Variants in SIPA1L3 observed in about 807,000 individuals in gnomAD.
SIPA1L3 encodes signal induced proliferation associated 1 like 3.
A neutral mutation model predicts 150.1 loss-of-function variants in SIPA1L3; 59 were observed. The ratio of observed to expected loss-of-function variants is 0.39; its 90% CI spans 0.32 to 0.49. The LOEUF (loss-of-function observed/expected upper bound fraction) is 0.49. Among genes scored for constraint, SIPA1L3 ranks in the 20% least tolerant of loss-of-function variants. The pLI, the probability that SIPA1L3 is intolerant of heterozygous loss-of-function variation, is 0.86. For synonymous variants in SIPA1L3, 1,070 were observed against 1,077.6 expected (o/e 0.99, Z 0.14); for missense variants, 2,211 against 2,489.5 (o/e 0.89, Z 2.38).
At chr19:38,173,030 A>G (rs1276132387) in intron 15 of SIPA1L3, among the ~76,000 whole-genome samples, 1 of 152,044 alleles carries the variant, frequency 6.6e-6, no homozygotes, top group Non-Finnish European at 1.5e-5. Context: ...TGACCCCGGG[A>G]AGTGGAGGCT....
At chr19:38,105,435 A>C (rs1970600869) in intron 6 of SIPA1L3, among the ~76,000 whole-genome samples, 1 of 151,740 alleles carries the variant, frequency 6.6e-6, no homozygotes, top group Non-Finnish European at 1.5e-5. Flanking sequence ...CACTCAGTAC[A>C]GTGTGACCTT....
At chr19:38,106,834 C>A (rs975429257) in intron 7 of SIPA1L3, among the ~76,000 whole-genome samples, 194 bp downstream of exon 7, 5 of 152,240 alleles carry the variant, frequency 3.3e-5, no homozygotes, top group African/African-American at 1.2e-4. Flanking sequence ...CCCAGTCTTT[C>A]CTGCTGCTTC....
intron 1 of SIPA1L3, among the ~76,000 whole-genome samples, chr19:38,027,158 G>T (rs1968532643): frequency 6.6e-6 from 1 of 152,130 alleles, no homozygotes; most frequent in Non-Finnish European, 1.5e-5. Context: ...TGGGGTGGTG[G>T]TGTGTACCTG....
At position 38,046,374 on chromosome 19, in the gene SIPA1L3, C is replaced by T. The variant is rs2145750662; in HGVS notation, c.-311+17218C>T. On this transcript the variant is annotated intron_variant, in intron 2 of 21. Transcript: ENST00000222345. The surrounding 1 kb of genome is among the most constrained non-coding windows in gnomAD (Gnocchi z 5.6). ...GCAGCCTGTCCCCCCTCCTCATTTC[C>T]CTATTTCTTTTGAGTGGCCAGATGA... Among the ~76,000 whole-genome samples the T allele has an allele frequency of 6.6e-6, 1 of 152,236 alleles. No individual in the cohort carries two copies. Among genetic ancestry groups the T allele is most frequent in the East Asian group, 1.9e-4 (1 of 5,172 alleles).
intron 1 of SIPA1L3, among the ~76,000 whole-genome samples, chr19:37,955,195 C>T (rs1010517595): frequency 2.3e-4 from 35 of 151,580 alleles, no homozygotes; most frequent in African/African-American, 8.5e-4. Flanking sequence ...AGTTTGAGAC[C>T]AGCCTGACCA....
rs781495102 is a variant in SIPA1L3, at chr19:38,082,379, C to T, written c.814C>T (p.Leu272=). The T allele has an allele frequency of 1.9e-6, 3 of 1,598,900 alleles. No individual in the cohort carries two copies. Among genetic ancestry groups the T allele is most frequent in the Admixed American group, 1.7e-5 (1 of 59,390 alleles). The change falls in exon 3 of 22, where the codon CTG becomes TTG. Residue 272 remains leucine, a synonymous_variant. Transcript: ENST00000222345. ...HNGQPAKDSL[L]PLQPTKEKEK... ...CGGGCAGCCCGCCAAGGACAGCCTC[C>T]TGCCACTGCAGCCCACGAAGGAGAA...
intron 1 of SIPA1L3, among the ~76,000 whole-genome samples, chr19:38,006,783 G>A (rs1010382644): frequency 5.3e-5 from 8 of 152,086 alleles, no homozygotes; most frequent in South Asian, 2.1e-4. Flanking sequence ...CTTTCACCCC[G>A]GCAGCTCCAC....
chr19:38,012,357 A>G (rs905995567), intron 1 of SIPA1L3, among the ~76,000 whole-genome samples: 1 of 151,962 alleles, frequency 6.6e-6, no homozygotes, highest in Admixed American at 6.6e-5. Context: ...AAGCCCTGGG[A>G]TTACAGGTGT....
At chr19:37,942,055 A>C (rs1340073073) in intron 1 of SIPA1L3, among the ~76,000 whole-genome samples, 1 of 152,190 alleles carries the variant, frequency 6.6e-6, no homozygotes, top group Non-Finnish European at 1.5e-5. Context: ...TCCTGGGGGC[A>C]GAAGATTTAT....
chr19:37,945,315 A>C (rs1027363816), intron 1 of SIPA1L3, among the ~76,000 whole-genome samples: 2 of 151,558 alleles, frequency 1.3e-5, no homozygotes, highest in African/African-American at 4.9e-5. Flanking sequence ...GCTCACTGCA[A>C]CCTCCACCTC....
intron 13 of SIPA1L3, among the ~76,000 whole-genome samples, chr19:38,154,697 C>A (rs1275210763): frequency 1.3e-5 from 2 of 151,952 alleles, no homozygotes; most frequent in Non-Finnish European, 2.9e-5. Context: ...CCACCCGCCT[C>A]AGCCTCCCAA....
chr19:37,921,541 C>T (rs1365752701), intron 1 of SIPA1L3, among the ~76,000 whole-genome samples: 1 of 152,078 alleles, frequency 6.6e-6, no homozygotes, highest in Non-Finnish European at 1.5e-5. Context: ...CCTGCACCCC[C>T]TCAAGCTTCC....
At chr19:38,113,248 G>A (rs1280882565) in intron 8 of SIPA1L3, among the ~76,000 whole-genome samples, 2 of 151,154 alleles carry the variant, frequency 1.3e-5, no homozygotes, top group African/African-American at 4.9e-5. Flanking sequence ...ACTCAGATGA[G>A]CCTCTGACAC....
At chr19:37,950,547 A>C (rs1048379651) in intron 1 of SIPA1L3, among the ~76,000 whole-genome samples, 1 of 152,206 alleles carries the variant, frequency 6.6e-6, no homozygotes, top group Non-Finnish European at 1.5e-5. Flanking sequence ...CTGGAAATTC[A>C]AGAGATCCCA....
intron 6 of SIPA1L3, among the ~76,000 whole-genome samples, chr19:38,102,300 C>T (rs990652185): frequency 6.7e-6 from 1 of 150,308 alleles, no homozygotes; most frequent in African/African-American, 2.5e-5. Flanking sequence ...CCACCTCGGC[C>T]TCCCAAAGTG....
At chr19:38,092,199 T>C (rs1057396257) in intron 4 of SIPA1L3, among the ~76,000 whole-genome samples, 8 of 151,922 alleles carry the variant, frequency 5.3e-5, no homozygotes, top group Admixed American at 1.3e-4. Context: ...CTAGGCACCA[T>C]AGTGATACCC....
At chr19:38,194,164 A>G (rs1463822030) in intron 18 of SIPA1L3, among the ~76,000 whole-genome samples, 1 of 125,428 alleles carries the variant, frequency 8.0e-6, no homozygotes, top group Non-Finnish European at 1.6e-5. Flanking sequence ...TGAGCATTTT[A>G]TTTGCTTTCC....
intron 8 of SIPA1L3, among the ~76,000 whole-genome samples, chr19:38,113,491 A>T (rs1440336698): frequency 6.6e-6 from 1 of 152,044 alleles, no homozygotes; most frequent in Non-Finnish European, 1.5e-5. Context: ...TTAGCCAGGC[A>T]TGCTGGCACG....
chr19:38,045,117 C>T (rs1054526960), intron 2 of SIPA1L3, among the ~76,000 whole-genome samples: 11 of 152,142 alleles, frequency 7.2e-5, no homozygotes, highest in African/African-American at 2.4e-4. Context: ...GTGGCTCACA[C>T]CTGTAATCCC....
Sources: allele counts gnomAD v4.1 joint callset (sites outside exome capture counted in the v4.1 genomes callset), GRCh38; gene constraint gnomAD v4.1.1; non-coding constraint Gnocchi (gnomAD v3.1); transcripts MANE v1.5; gene names NCBI Gene and HGNC (gene_info 2026-07-23, HGNC 2026-07-21).